Variants in SCHIP1 observed in about 807,000 individuals in gnomAD.
SCHIP1 encodes schwannomin-interacting protein 1.
A neutral mutation model predicts 29.7 loss-of-function variants in SCHIP1; 8 were observed. The ratio of observed to expected loss-of-function variants is 0.27; its 90% CI spans 0.16 to 0.49. The LOEUF (loss-of-function observed/expected upper bound fraction) is 0.49, where lower values mean the gene tolerates loss of function less well. Ranked by LOEUF, SCHIP1 falls within the 20% of genes least tolerant of loss-of-function variation. The pLI, the probability that SCHIP1 is intolerant of heterozygous loss-of-function variation, is 0.99. For synonymous variants in SCHIP1, 76 were observed against 94.9 expected (o/e 0.80, Z 1.16); for missense variants, 193 against 294.6 (o/e 0.66, Z 2.52).
the SCHIP1 span, among the ~76,000 whole-genome samples, chr3:159,630,650 G>T: frequency 1.8e-5 from 2 of 113,046 alleles, no homozygotes; most frequent in Non-Finnish European, 3.0e-5. Flanking sequence ...AAACATTCTC[G>T]CTCATAAGTG....
At chr3:159,373,751 A>G in the SCHIP1 span, among the ~76,000 whole-genome samples, 1 of 152,126 alleles carries the variant, frequency 6.6e-6, no homozygotes, top group Non-Finnish European at 1.5e-5. Flanking sequence ...TTTCTTTTCT[A>G]AGGCTGGATA....
the SCHIP1 span, among the ~76,000 whole-genome samples, chr3:159,771,835 A>T: frequency 1.7e-4 from 26 of 152,324 alleles, no homozygotes; most frequent in African/African-American, 6.0e-4. Context: ...ATTTTAGAAC[A>T]GTCTTTGAAA....
chr3:159,297,746 G>A, the SCHIP1 span, among the ~76,000 whole-genome samples: 11 of 152,124 alleles, frequency 7.2e-5, no homozygotes, highest in African/African-American at 2.7e-4. Context: ...TCAACTTAGG[G>A]TCACCCTGAG....
chr3:159,324,059 G>C, the SCHIP1 span, among the ~76,000 whole-genome samples: 1 of 152,098 alleles, frequency 6.6e-6, no homozygotes. Flanking sequence ...CTTCCTGCAA[G>C]TCTGACTTAT....
At chr3:159,677,700 A>C in the SCHIP1 span, among the ~76,000 whole-genome samples, 2 of 151,456 alleles carry the variant, frequency 1.3e-5, no homozygotes, top group Non-Finnish European at 2.9e-5. Context: ...GGCCAGGGAG[A>C]TCTCTAGCTC....
intron 1 of SCHIP1, chr3:159,840,260 G>GA: frequency 2.7e-6 from 4 of 1,479,202 alleles, no homozygotes; most frequent in Non-Finnish European, 3.7e-6. Context: ...TTTGGGAGAG[G>GA]AGGCCTTCCT....
chr3:159,653,141 G>C, the SCHIP1 span, among the ~76,000 whole-genome samples: 2 of 152,168 alleles, frequency 1.3e-5, no homozygotes, highest in African/African-American at 4.8e-5. Context: ...CTGTTGGTGG[G>C]AGTATAAATT....
the SCHIP1 span, among the ~76,000 whole-genome samples, chr3:159,735,166 T>A: frequency 9.2e-5 from 14 of 151,894 alleles, no homozygotes; most frequent in Admixed American, 3.3e-4. Context: ...AAAGCATTTT[T>A]AAAGGAACTT....
chr3:159,848,365 G>A (rs1236196530), intron 1 of SCHIP1, among the ~76,000 whole-genome samples: 2 of 152,290 alleles, frequency 1.3e-5, no homozygotes, highest in East Asian at 3.9e-4. Context: ...AATCCCCATA[G>A]AAGGATAGGA....
At chr3:159,799,352 C>T in the SCHIP1 span, among the ~76,000 whole-genome samples, 1 of 152,258 alleles carries the variant, frequency 6.6e-6, no homozygotes, top group South Asian at 2.1e-4. Context: ...GGGCAAATTA[C>T]TTCACCTCGC....
chr3:159,440,442 G>C, the SCHIP1 span, among the ~76,000 whole-genome samples: 5 of 152,092 alleles, frequency 3.3e-5, no homozygotes, highest in Admixed American at 1.3e-4. Context: ...TTTCTGCCTG[G>C]TGGAAGTGTA....
chr3:159,737,364 C>T, the SCHIP1 span, among the ~76,000 whole-genome samples: 1 of 152,250 alleles, frequency 6.6e-6, no homozygotes, highest in South Asian at 2.1e-4. Context: ...CTGTAGGTCT[C>T]GACTGGGGCC....
the SCHIP1 span, among the ~76,000 whole-genome samples, chr3:159,471,590 C>T: frequency 1.3e-5 from 2 of 151,586 alleles, no homozygotes; most frequent in African/African-American, 4.8e-5. Flanking sequence ...CATTACCATA[C>T]AAATAAAATC....
the SCHIP1 span, among the ~76,000 whole-genome samples, chr3:159,616,319 C>G: frequency 1.3e-5 from 2 of 152,284 alleles, no homozygotes; most frequent in South Asian, 4.1e-4. Context: ...CCAGGCTGGT[C>G]TTGAACTCCT....
the SCHIP1 span, among the ~76,000 whole-genome samples, chr3:159,692,835 A>G: frequency 6.6e-6 from 1 of 152,346 alleles, no homozygotes; most frequent in Admixed American, 6.5e-5. Context: ...CTACAAAAAG[A>G]AAACATATTT....
the SCHIP1 span, among the ~76,000 whole-genome samples, chr3:159,640,154 G>C: frequency 6.6e-6 from 1 of 152,070 alleles, no homozygotes; most frequent in African/African-American, 2.4e-5. Flanking sequence ...TTATATTTTA[G>C]AGATTAAAGA....
At chr3:159,866,320 A>G in intron 2 of SCHIP1, 39 bp downstream of exon 3, 2 of 1,555,878 alleles carry the variant, frequency 1.3e-6, no homozygotes, top group South Asian at 2.3e-5. Flanking sequence ...ATATGTACAC[A>G]GTGGATTCTG....
chr3:159,370,638 C>A, the SCHIP1 span, among the ~76,000 whole-genome samples: 1 of 152,160 alleles, frequency 6.6e-6, no homozygotes, highest in Non-Finnish European at 1.5e-5. Flanking sequence ...CTCTTCAATG[C>A]AGGTGAGAAT....
the SCHIP1 span, among the ~76,000 whole-genome samples, chr3:159,733,321 TTCTC>T: frequency 2.0e-5 from 3 of 152,244 alleles, no homozygotes; most frequent in Non-Finnish European, 2.9e-5. Flanking sequence ...AGAAATGTGT[TTCTC>T]TCTAAGATTG....
Sources: gnomAD v4.1 joint callset for allele counts (sites outside exome capture counted in the v4.1 genomes callset) on GRCh38, gnomAD v4.1.1 for gene constraint, MANE v1.5 for transcripts, NCBI Gene and HGNC (gene_info 2026-07-23, HGNC 2026-07-21) for gene names.